The following FAM107A variants were observed in gnomAD, a reference collection of about 807,000 sequenced individuals.
The protein encoded by FAM107A is actin-associated protein FAM107A.
Under a neutral mutation model 13.7 loss-of-function variants are expected in FAM107A, and 19 were observed. The ratio of observed to expected loss-of-function variants is 1.38; its 90% CI spans 0.97 to 2.03. FAM107A has a LOEUF of 2.03. Ranked by LOEUF, FAM107A falls within the 30% of genes most tolerant of loss-of-function variation. The pLI, the probability that FAM107A is intolerant of heterozygous loss-of-function variation, is 0.00. For missense variants in FAM107A, 203 were observed against 184.4 expected (o/e 1.10, Z -0.58); for synonymous variants, 82 against 74.5 (o/e 1.10, Z -0.52).
At chr3:58,575,932 A>T (rs2063727243) in intron 1 of FAM107A, among the ~76,000 whole-genome samples, 1 of 152,212 alleles carries the variant, frequency 6.6e-6, no homozygotes, top group Non-Finnish European at 1.5e-5. Flanking sequence ...TTCCGAACAC[A>T]TTCAGAACCC....
At chr3:58,586,797 G>A (rs2065610388) in intron 1 of FAM107A, 1 of 1,474,974 alleles carries the variant, frequency 6.8e-7, no homozygotes, top group Non-Finnish European at 9.0e-7. Flanking sequence ...ACTGAGCGCC[G>A]TGCACCACAG....
chr3:58,601,645 A>G (rs2065753172), intron 1 of FAM107A, among the ~76,000 whole-genome samples: 3 of 152,244 alleles, frequency 2.0e-5, no homozygotes, highest in Admixed American at 2.0e-4. Context: ...GCACCCACCC[A>G]GAGGGTAAAT....
chr3:58,624,873 T>C (rs1471551611), intron 1 of FAM107A, among the ~76,000 whole-genome samples: 1 of 152,224 alleles, frequency 6.6e-6, no homozygotes, highest in Non-Finnish European at 1.5e-5. Context: ...TCTCTGCAAC[T>C]GACAGGGACG....
upstream of FAM107A, chr3:58,587,127 G>T (rs1000430244): frequency 5.9e-6 from 8 of 1,364,260 alleles, no homozygotes; most frequent in Non-Finnish European, 9.4e-7. Flanking sequence ...GGGGGGCAGG[G>T]GCCAGGGCAG....
At chr3:58,570,617 GAGAGAGAGAGAGAGAGAGAA>G (rs1277490960) in intron 1 of FAM107A, among the ~76,000 whole-genome samples, 22 of 123,590 alleles carry the variant, frequency 1.8e-4, no homozygotes, top group South Asian at 2.5e-4. Flanking sequence ...GAGAGAGAGA[GAGAGAGAGAGAGAGAGAGAA>G]AGAGACTGAC....
intron 1 of FAM107A, chr3:58,626,833 T>G: frequency 2.6e-6 from 2 of 769,842 alleles, no homozygotes; most frequent in Middle Eastern, 4.6e-4. Context: ...ATGCAAGTCT[T>G]GGCTGTGAGT....
At chr3:58,627,193 C>G in intron 1 of FAM107A, 1 of 590,952 alleles carries the variant, frequency 1.7e-6, no homozygotes, top group Non-Finnish European at 3.0e-6. Context: ...AGGCTTAGGG[C>G]GATTGATCCT....
chr3:58,613,444 C>T lies in FAM107A; in HGVS notation c.-70+13972G>A, dbSNP rs751909898. Reference sequence around the variant, plus strand: ...TTCCTCTGACTTCATCAACCTCTGGCCCCTGTGTCCTCTCTCTTACAGTAC... The same window carrying T: ...TTCCTCTGACTTCATCAACCTCTGGTCCCTGTGTCCTCTCTCTTACAGTAC... On this transcript the variant is annotated intron_variant, in intron 1 of 3. Coordinates refer to the FAM107A transcript ENST00000465970. The surrounding 1 kb of genome is among the most constrained non-coding windows in gnomAD (Gnocchi z 4.6). Among the ~76,000 whole-genome samples the T allele has an allele frequency of 2.0e-5, 3 of 152,264 alleles. No homozygotes were observed. Among genetic ancestry groups the T allele is most frequent in the Non-Finnish European group, 2.9e-5 (2 of 68,028 alleles).
chr3:58,585,629 G>C (rs939325055), intron 1 of FAM107A, among the ~76,000 whole-genome samples: 1 of 152,210 alleles, frequency 6.6e-6, no homozygotes, highest in Non-Finnish European at 1.5e-5. Context: ...CGGGTGGGGC[G>C]AGCTCCTTGC....
chr3:58,582,506 T>A (rs1575445520), upstream of FAM107A, among the ~76,000 whole-genome samples: 1 of 152,220 alleles, frequency 6.6e-6, no homozygotes, highest in African/African-American at 2.4e-5. Flanking sequence ...ACTACTGGAC[T>A]GTATTGCCTC....
intron 1 of FAM107A, among the ~76,000 whole-genome samples, chr3:58,586,551 T>C (rs943441481): frequency 4.0e-5 from 6 of 151,826 alleles, no homozygotes; most frequent in Admixed American, 1.3e-4. Context: ...TAGCTGGGTG[T>C]GGTGGTGCGC....
chr3:58,589,272 G>A (rs1268841552), upstream of FAM107A: 2 of 1,530,830 alleles, frequency 1.3e-6, no homozygotes, highest in Non-Finnish European at 1.8e-6. Context: ...TATGTTTTCT[G>A]TAAACAGAAA....
At chr3:58,592,404 T>C (rs1283797873) in intron 1 of FAM107A, among the ~76,000 whole-genome samples, 1 of 152,156 alleles carries the variant, frequency 6.6e-6, no homozygotes, top group Non-Finnish European at 1.5e-5. Flanking sequence ...GACTGGCAAA[T>C]TGACTTTACT....
At chr3:58,610,780 A>G (rs1349428794) in intron 1 of FAM107A, among the ~76,000 whole-genome samples, 1 of 152,130 alleles carries the variant, frequency 6.6e-6, no homozygotes, top group Non-Finnish European at 1.5e-5. Context: ...TGGCTGGTTA[A>G]CCTCAAGGAA....
intron 1 of FAM107A, among the ~76,000 whole-genome samples, chr3:58,618,990 A>G (rs1330151890): frequency 6.6e-6 from 1 of 152,200 alleles, no homozygotes; most frequent in East Asian, 1.9e-4. Flanking sequence ...AGTCTGAGGC[A>G]GAAACATAGT....
intron 1 of FAM107A, chr3:58,627,341 C>T (rs1469987600): frequency 3.0e-6 from 1 of 334,704 alleles, no homozygotes; most frequent in Non-Finnish European, 5.5e-6. Context: ...GGGCAGTCCT[C>T]TCATCACACA....
intron 1 of FAM107A, among the ~76,000 whole-genome samples, chr3:58,623,404 G>T (rs978487844): frequency 1.1e-4 from 17 of 152,162 alleles, no homozygotes; most frequent in African/African-American, 4.1e-4. Flanking sequence ...AACCTCCAGG[G>T]GGCTATGCTG....
rs932138656 is a variant in FAM107A, at chr3:58,565,583, C to G, written c.*1005G>C. Reference sequence around the variant, plus strand: ...ACAATTTGCTAGGCCAAAGTCTTCACGGGCAATCCCTGGGGTGGGAGTCTG... The same window carrying G: ...ACAATTTGCTAGGCCAAAGTCTTCAGGGGCAATCCCTGGGGTGGGAGTCTG... On this transcript the variant is annotated 3_prime_UTR_variant, in exon 4 of 4. Coordinates refer to ENST00000360997, the MANE Select transcript of FAM107A (RefSeq NM_001076778.3). 6.6e-6 allele frequency: 1 copy of G among 151,554 alleles called. No homozygotes were observed. Among genetic ancestry groups the G allele is most frequent in the African/African-American group, 2.4e-5 (1 of 41,212 alleles). 9.4% of individuals were successfully genotyped at this position (151,554 alleles called of 1,614,324 possible).
intron 1 of FAM107A, among the ~76,000 whole-genome samples, chr3:58,599,651 A>T (rs2065735591): frequency 7.3e-6 from 1 of 136,150 alleles, no homozygotes; most frequent in South Asian, 2.3e-4. Context: ...AGGTATTTTC[A>T]GTTTCTAAAA....
Sources: allele counts gnomAD v4.1 joint callset (sites outside exome capture counted in the v4.1 genomes callset), GRCh38; gene constraint gnomAD v4.1.1; non-coding constraint Gnocchi (gnomAD v3.1); transcripts MANE v1.5; gene names NCBI Gene and HGNC (gene_info 2026-07-23, HGNC 2026-07-21).